Variants in SLC35F3 observed in about 807,000 individuals in gnomAD.
The protein encoded by SLC35F3 is putative thiamine transporter SLC35F3.
In SLC35F3, 25 loss-of-function variants were observed where a neutral mutation model predicts 49.9. The observed-to-expected ratio is 0.50, with a 90% CI of 0.37 to 0.70. The LOEUF is 0.70. Among genes scored for constraint, SLC35F3 ranks in the 30% least tolerant of loss-of-function variants. The pLI is 0.00. For missense variants in SLC35F3, 525 were observed against 639.8 expected (o/e 0.82, Z 1.94); for synonymous variants, 275 against 265.4 (o/e 1.04, Z -0.35).
At chr1:233,971,932 G>A (rs1351039796) in intron 2 of SLC35F3, among the ~76,000 whole-genome samples, 3 of 152,222 alleles carry the variant, frequency 2.0e-5, no homozygotes, top group South Asian at 2.1e-4. Context: ...CCCGCTGCCC[G>A]AGAGCTCAGC....
chr1:234,260,233 G>A (rs1667881977), intron 3 of SLC35F3, among the ~76,000 whole-genome samples: 1 of 152,160 alleles, frequency 6.6e-6, no homozygotes, highest in African/African-American at 2.4e-5. Flanking sequence ...CCAGGAAGCT[G>A]GTTAAATGCT....
Position 234,323,243 on chromosome 1 carries a change from A to T in SLC35F3, c.1473A>T (p.Ter491TyrextTer9). 1 of 1,612,880 alleles carries T rather than the reference A, an allele frequency of 6.2e-7. No individual in the cohort carries two copies. Among genetic ancestry groups the T allele is most frequent in the Non-Finnish European group, 8.5e-7 (1 of 1,179,504 alleles). ...NRRARPSFAR* is the reference protein window; with the variant it reads ...NRRARPSFARY ...GAGCCCGCCCTTCCTTCGCCCGCTA[A>T]CACCACTCCTCTAGAACTCGGTGGT... is the stretch of plus-strand genomic sequence containing the variant. The change falls in exon 8 of 8, where the codon TAA (stop) becomes TAT (tyrosine). Residue 491 changes from the stop codon to tyrosine, a stop_lost. Transcript: ENST00000366618. This position sits in a 1 kb window ranked among gnomAD's most constrained non-coding sequence, Gnocchi z 4.5.
At chr1:234,189,174 G>GA (rs890482487) in intron 2 of SLC35F3, among the ~76,000 whole-genome samples, 6 of 150,838 alleles carry the variant, frequency 4.0e-5, no homozygotes, top group African/African-American at 9.7e-5. Context: ...AAAAGAAAAA[G>GA]AAAAAAAACA....
chr1:233,985,837 C>G (rs1465329096), intron 2 of SLC35F3, among the ~76,000 whole-genome samples: 2 of 152,212 alleles, frequency 1.3e-5, no homozygotes, highest in African/African-American at 2.4e-5. Context: ...AGTTCCTGGT[C>G]CTGCCTGGAG....
chr1:234,047,383 G>A (rs57068253), intron 2 of SLC35F3, among the ~76,000 whole-genome samples: 7,201 of 152,238 alleles, frequency 0.047, 366 homozygotes, highest in African/African-American at 0.13. Flanking sequence ...GCTTTATTCA[G>A]TGTGGGTGGA....
Position 234,162,985 on chromosome 1 carries a change from G to A in SLC35F3, c.284-68432G>A, listed in dbSNP as rs531376609. Among the ~76,000 whole-genome samples, 8 of 152,284 alleles carry A rather than the reference G, an allele frequency of 5.3e-5. No individual in the cohort carries two copies. In the East Asian group the frequency reaches 1.2e-3, roughly 22 times the overall value. ...AGTAGATGCTCTAAGAATGTTGATG[G>A]TAAAGAAGAATCATGACCTAGGTCC... On this transcript the variant is annotated intron_variant, in intron 2 of 7. Coordinates refer to ENST00000366618, the MANE Select transcript of SLC35F3 (RefSeq NM_173508.4).
chr1:234,074,202 G>A (rs1348450003), intron 2 of SLC35F3, among the ~76,000 whole-genome samples: 4 of 152,108 alleles, frequency 2.6e-5, no homozygotes, highest in Admixed American at 6.5e-5. Flanking sequence ...TCAAGGTCAC[G>A]GGTCACATGG....
chr1:233,994,023 G>T (rs991742678), intron 2 of SLC35F3, among the ~76,000 whole-genome samples: 1 of 152,152 alleles, frequency 6.6e-6, no homozygotes, highest in African/African-American at 2.4e-5. Flanking sequence ...ATAGCCATGG[G>T]GGAAAGGTAT....
intron 2 of SLC35F3, among the ~76,000 whole-genome samples, chr1:233,983,609 A>T (rs898774350): frequency 5.3e-5 from 8 of 152,220 alleles, no homozygotes; most frequent in Admixed American, 3.9e-4. Context: ...CTTAATTTGC[A>T]TGCGAAGTTT....
At chr1:234,313,752 G>A (rs1264958169) in intron 4 of SLC35F3, among the ~76,000 whole-genome samples, 3 of 152,160 alleles carry the variant, frequency 2.0e-5, no homozygotes, top group Non-Finnish European at 2.9e-5. Context: ...ACCACAGGGC[G>A]GACTTGACTG....
At chr1:234,116,283 A>T (rs114081439) in intron 2 of SLC35F3, among the ~76,000 whole-genome samples, 1,564 of 152,270 alleles carry the variant, frequency 0.01, 15 homozygotes, top group Non-Finnish European at 0.013. Flanking sequence ...AAGAGACCAA[A>T]TATTAGAACA....
chr1:234,160,574 C>T (rs932749394), intron 2 of SLC35F3, among the ~76,000 whole-genome samples: 5 of 152,158 alleles, frequency 3.3e-5, no homozygotes, highest in Admixed American at 6.5e-5. Context: ...ATTCCTATTA[C>T]GCCAGGACAA....
chr1:234,169,975 G>A (rs929412909), intron 2 of SLC35F3, among the ~76,000 whole-genome samples: 6 of 152,152 alleles, frequency 3.9e-5, no homozygotes, highest in African/African-American at 1.2e-4. Flanking sequence ...CACCGTGTTA[G>A]CCAGGATGGT....
At chr1:234,097,470 C>T (rs905248663) in intron 2 of SLC35F3, among the ~76,000 whole-genome samples, 4 of 152,156 alleles carry the variant, frequency 2.6e-5, no homozygotes, top group Non-Finnish European at 5.9e-5. Flanking sequence ...GAGGGAGCAC[C>T]TGGGCTCAGG....
At chr1:234,139,832 C>G (rs982392233) in intron 2 of SLC35F3, among the ~76,000 whole-genome samples, 1 of 151,728 alleles carries the variant, frequency 6.6e-6, no homozygotes, top group East Asian at 1.9e-4. Flanking sequence ...CCTGTAGTCC[C>G]AACTACTCAG....
At chr1:233,919,788 G>A (rs370279764) in intron 2 of SLC35F3, among the ~76,000 whole-genome samples, 2 of 152,156 alleles carry the variant, frequency 1.3e-5, no homozygotes, top group African/African-American at 2.4e-5. Flanking sequence ...GTCACAGGGC[G>A]GGGGTTGGTG....
At chr1:234,060,153 G>C (rs2102862257) in intron 2 of SLC35F3, among the ~76,000 whole-genome samples, 1 of 152,278 alleles carries the variant, frequency 6.6e-6, no homozygotes, top group South Asian at 2.1e-4. Context: ...TTATGGCCTA[G>C]CTTGTGGTCT....
At chr1:234,029,726 G>A (rs1184682006) in intron 2 of SLC35F3, among the ~76,000 whole-genome samples, 2 of 152,078 alleles carry the variant, frequency 1.3e-5, no homozygotes, top group African/African-American at 2.4e-5. Flanking sequence ...GCTGAACATG[G>A]TAGCACATGC....
At chr1:234,176,875 G>C (rs1666484314) in intron 2 of SLC35F3, among the ~76,000 whole-genome samples, 1 of 151,002 alleles carries the variant, frequency 6.6e-6, no homozygotes, top group South Asian at 2.1e-4. Flanking sequence ...CAGAAGCTCT[G>C]AGCAAGGTCT....
Sources: gnomAD v4.1 joint callset for allele counts (sites outside exome capture counted in the v4.1 genomes callset) on GRCh38, gnomAD v4.1.1 for gene constraint, Gnocchi (gnomAD v3.1) non-coding constraint, MANE v1.5 for transcripts, NCBI Gene and HGNC (gene_info 2026-07-23, HGNC 2026-07-21) for gene names.